Variants in UTRN observed in about 807,000 individuals in gnomAD.
UTRN encodes dystrophin-related protein 1.
In UTRN, 283 loss-of-function variants were observed where a neutral mutation model predicts 463.9. That is an observed-to-expected ratio of 0.61 (90% CI 0.55 to 0.67). The LOEUF (loss-of-function observed/expected upper bound fraction) is 0.67. UTRN is among the 30% of genes least tolerant of loss of function. The probability of loss-of-function intolerance (pLI) is 0.00; values close to 1 mark genes in which losing one functional copy is unlikely to be tolerated. For synonymous variants in UTRN, 1,442 were observed against 1,431.5 expected (o/e 1.01, Z -0.17); for missense variants, 3,922 against 4,084.3 (o/e 0.96, Z 1.08).
chr6:144,743,325 A>T (rs1009401304), intron 54 of UTRN, among the ~76,000 whole-genome samples: 9 of 152,256 alleles, frequency 5.9e-5, no homozygotes, highest in African/African-American at 2.2e-4. Context: ...ATTAAACAAT[A>T]ACACTGGGCG....
intron 51 of UTRN, among the ~76,000 whole-genome samples, chr6:144,652,459 G>A (rs1778913769): frequency 6.6e-6 from 1 of 152,180 alleles, no homozygotes; most frequent in African/African-American, 2.4e-5. Context: ...TTAGACACTA[G>A]TAGACTCTGG....
chr6:144,396,098 T>C (rs1346903782), intron 2 of UTRN, among the ~76,000 whole-genome samples: 1 of 152,186 alleles, frequency 6.6e-6, no homozygotes, highest in Non-Finnish European at 1.5e-5. Context: ...TGTGACATTG[T>C]TCATAATAGC....
intron 62 of UTRN, among the ~76,000 whole-genome samples, chr6:144,790,247 G>T (rs1464450743): frequency 6.6e-6 from 1 of 152,084 alleles, no homozygotes; most frequent in African/African-American, 2.4e-5. Flanking sequence ...ATGTGAATTT[G>T]ATCCCACCAT....
intron 63 of UTRN, among the ~76,000 whole-genome samples, chr6:144,796,325 C>T (rs1222365849): frequency 6.6e-6 from 1 of 152,148 alleles, no homozygotes; most frequent in Non-Finnish European, 1.5e-5. Flanking sequence ...CCTAAAGGCT[C>T]TACCTCCTCG....
intron 1 of UTRN, among the ~76,000 whole-genome samples, chr6:144,288,874 C>T (rs1315782081): frequency 1.3e-5 from 2 of 152,036 alleles, no homozygotes; most frequent in Non-Finnish European, 2.9e-5. Flanking sequence ...ATCAATTCCC[C>T]TGCCTCAGCC....
chr6:144,496,283 T>G (rs1319456440), intron 33 of UTRN, among the ~76,000 whole-genome samples: 1 of 152,172 alleles, frequency 6.6e-6, no homozygotes, highest in African/African-American at 2.4e-5. Context: ...CAGAGAAAAA[T>G]AGCTGAAATT....
At chr6:144,468,591 A>AGTGTGTGTGTGTGTGT (rs113136064) in intron 23 of UTRN, among the ~76,000 whole-genome samples, 1 of 150,298 alleles carries the variant, frequency 6.7e-6, no homozygotes, top group African/African-American at 2.5e-5. Flanking sequence ...CCCTTAAAGA[A>AGTGTGTGTGTGTGTGT]ATGTGTGTGT....
chr6:144,531,831 G>A (rs1047472366), intron 42 of UTRN, among the ~76,000 whole-genome samples: 2 of 152,120 alleles, frequency 1.3e-5, no homozygotes, highest in African/African-American at 4.8e-5. Context: ...TAATTCATTT[G>A]TTTTTCTTAT....
intron 2 of UTRN, among the ~76,000 whole-genome samples, chr6:144,357,578 AGAT>A (rs1211090760): frequency 6.6e-6 from 1 of 152,206 alleles, no homozygotes. Flanking sequence ...AACAGGATGA[AGAT>A]TTTGTTTTTT....
At chr6:144,360,293 C>T (rs1778964613) in intron 2 of UTRN, among the ~76,000 whole-genome samples, 1 of 151,920 alleles carries the variant, frequency 6.6e-6, no homozygotes, top group Admixed American at 6.6e-5. Context: ...CTGCCTCAGC[C>T]TCCCGAGTAG....
At chr6:144,667,531 G>A (rs1004693223) in intron 51 of UTRN, among the ~76,000 whole-genome samples, 3 of 152,272 alleles carry the variant, frequency 2.0e-5, no homozygotes, top group Admixed American at 1.3e-4. Context: ...GAGCAAAGAG[G>A]TGCCTTGCTT....
intron 53 of UTRN, among the ~76,000 whole-genome samples, chr6:144,717,527 A>G (rs980747668): frequency 4.0e-5 from 6 of 151,870 alleles, no homozygotes; most frequent in African/African-American, 1.5e-4. Context: ...AAGAATCTAA[A>G]CTGATATGAG....
intron 51 of UTRN, among the ~76,000 whole-genome samples, chr6:144,587,501 G>T (rs1302258100): frequency 1.3e-5 from 2 of 152,110 alleles, no homozygotes; most frequent in East Asian, 3.9e-4. Flanking sequence ...AGGTTTTTAT[G>T]TTCACTGATG....
chr6:144,814,790 G>T (rs958647036), intron 65 of UTRN, among the ~76,000 whole-genome samples: 1 of 152,140 alleles, frequency 6.6e-6, no homozygotes, highest in East Asian at 1.9e-4. Flanking sequence ...AAAAGCAAAT[G>T]AATAATTATG....
intron 48 of UTRN, among the ~76,000 whole-genome samples, chr6:144,551,917 C>A (rs1335924804): frequency 1.3e-5 from 2 of 152,102 alleles, no homozygotes; most frequent in Non-Finnish European, 2.9e-5. Context: ...AAATGTCATC[C>A]CCTTTGTGAC....
intron 3 of UTRN, among the ~76,000 whole-genome samples, chr6:144,420,769 A>G (rs1784765158): frequency 6.6e-6 from 1 of 152,180 alleles, no homozygotes. Context: ...TACTCCCATA[A>G]TGGAAAGGCT....
At chr6:144,764,140 A>G (rs181920169) in intron 58 of UTRN, among the ~76,000 whole-genome samples, 6 of 152,320 alleles carry the variant, frequency 3.9e-5, no homozygotes, top group Admixed American at 3.9e-4. Context: ...ATGGGGAGGT[A>G]AGAACAAAAT....
At chr6:144,567,538 T>C (rs973213756) in intron 50 of UTRN, among the ~76,000 whole-genome samples, 2 of 152,160 alleles carry the variant, frequency 1.3e-5, no homozygotes, top group African/African-American at 2.4e-5. Flanking sequence ...AGCAGGGGAT[T>C]GTGAAATGAA....
At chr6:144,679,520 T>C (rs1375468924) in intron 52 of UTRN, among the ~76,000 whole-genome samples, 1 of 152,194 alleles carries the variant, frequency 6.6e-6, no homozygotes, top group African/African-American at 2.4e-5. Flanking sequence ...TCTCTGATCT[T>C]GAACAAACTA....
Sources: allele counts gnomAD v4.1 joint callset (sites outside exome capture counted in the v4.1 genomes callset), GRCh38; gene constraint gnomAD v4.1.1; transcripts MANE v1.5; gene names NCBI Gene and HGNC (gene_info 2026-07-23, HGNC 2026-07-21).